Variants in KIF26B observed in about 807,000 individuals in gnomAD.
KIF26B encodes the protein kinesin family member 26B.
In KIF26B, 63 loss-of-function variants were observed where a neutral mutation model predicts 151.2. That is an observed-to-expected ratio of 0.42 (90% CI 0.34 to 0.51). The LOEUF is 0.51. Among genes scored for constraint, KIF26B ranks in the 20% least tolerant of loss-of-function variants. The pLI is 0.07. For missense variants in KIF26B, 2,813 were observed against 2,913.6 expected (o/e 0.97, Z 0.79); for synonymous variants, 1,357 against 1,262.1 (o/e 1.08, Z -1.59).
In KIF26B at chr1:245,638,605, T is replaced by G. The variant is rs369371175; in HGVS notation, c.2099-7516T>G. ...AGGTTTTCTATTTTAACCTATTCAG[T>G]ATGACATAAGCTGTGAGTGTGTAAT... On this transcript the variant is annotated intron_variant, in intron 9 of 14. Coordinates refer to ENST00000407071, the MANE Select transcript of KIF26B (RefSeq NM_018012.4). Among the ~76,000 whole-genome samples the G allele has an allele frequency of 4.6e-5, 7 of 151,918 alleles. No individual in the cohort carries two copies. In the East Asian group the frequency reaches 7.7e-4, roughly 17 times the overall value.
intron 10 of KIF26B, among the ~76,000 whole-genome samples, chr1:245,663,387 ATCATTTT>A (rs1380052641): frequency 4.3e-5 from 1 of 23,338 alleles, no homozygotes; most frequent in Non-Finnish European, 9.9e-5. Flanking sequence ...GTCATTTGTG[ATCATTTT>A]TTTTTGTTTA....
intron 5 of KIF26B, among the ~76,000 whole-genome samples, chr1:245,595,557 G>C (rs1190532969): frequency 6.6e-6 from 1 of 152,198 alleles, no homozygotes; most frequent in East Asian, 1.9e-4. Flanking sequence ...GCTGGATTCA[G>C]TTTGCCAGTA....
intron 2 of KIF26B, among the ~76,000 whole-genome samples, chr1:245,178,109 C>G (rs144382184): frequency 1.6e-4 from 24 of 152,328 alleles, no homozygotes; most frequent in African/African-American, 5.3e-4. Context: ...GAGGTCACAT[C>G]TGACTGTCAC....
intron 9 of KIF26B, among the ~76,000 whole-genome samples, chr1:245,619,742 G>A (rs910319055): frequency 2.0e-5 from 3 of 150,970 alleles, no homozygotes; most frequent in South Asian, 2.1e-4. Context: ...GTGAAACCTC[G>A]TCTCTACTAA....
At chr1:245,474,984 CA>C (rs1477619167) in intron 4 of KIF26B, among the ~76,000 whole-genome samples, 1 of 151,410 alleles carries the variant, frequency 6.6e-6, no homozygotes, top group African/African-American at 2.4e-5. Flanking sequence ...TTTTGTAAAA[CA>C]AACAAAAAAA....
intron 10 of KIF26B, among the ~76,000 whole-genome samples, chr1:245,671,423 G>A (rs2044284731): frequency 6.6e-6 from 1 of 152,116 alleles, no homozygotes; most frequent in African/African-American, 2.4e-5. Context: ...AAGGTACCTG[G>A]CACAGGCAAA....
rs528870767 is a variant in KIF26B at position 245,166,187 on chromosome 1, G to A, written c.465+9504G>A. Among the ~76,000 whole-genome samples the A allele has an allele frequency of 1.3e-5, 2 of 152,212 alleles. No individual in the cohort carries two copies. The highest frequency in any genetic ancestry group is 2.1e-4 in the South Asian group (1 of 4,826). On this transcript the variant is annotated intron_variant, in intron 2 of 14. Transcript: ENST00000407071. The surrounding 1 kb of genome is among the most constrained non-coding windows in gnomAD (Gnocchi z 4.5). The stretch of plus-strand genomic sequence containing the variant: ...AATTGTGAGATGCTAGTCAACCATC[G>A]CTTTCTGTTATTATTCCAGTGACTT...
At chr1:245,661,660 A>C (rs2044140899) in intron 10 of KIF26B, among the ~76,000 whole-genome samples, 1 of 150,398 alleles carries the variant, frequency 6.6e-6, no homozygotes, top group South Asian at 2.1e-4. Context: ...TTATATATAG[A>C]CACACACACT....
intron 2 of KIF26B, among the ~76,000 whole-genome samples, chr1:245,279,027 C>T (rs570130837): frequency 3.5e-4 from 54 of 152,250 alleles, no homozygotes; most frequent in Non-Finnish European, 6.9e-4. Flanking sequence ...TGTCTGATAG[C>T]CAGTTCCTTA....
At chr1:245,541,932 T>G (rs1661635223) in intron 5 of KIF26B, among the ~76,000 whole-genome samples, 1 of 152,182 alleles carries the variant, frequency 6.6e-6, no homozygotes, top group African/African-American at 2.4e-5. Context: ...CTCTACCCTC[T>G]CTTCTTTTCA....
intron 2 of KIF26B, among the ~76,000 whole-genome samples, chr1:245,330,360 A>G (rs57843745): frequency 0.39 from 28,768 of 74,578 alleles, 8,086 homozygotes; most frequent in African/African-American, 0.86. Flanking sequence ...GCAGAAGGCC[A>G]TGGACAGGCA....
chr1:245,660,968 C>G (rs1288434831), intron 10 of KIF26B, among the ~76,000 whole-genome samples: 2 of 150,202 alleles, frequency 1.3e-5, no homozygotes, highest in East Asian at 4.0e-4. Context: ...CGTGTGCCAC[C>G]ATCCCTGGCT....
intron 2 of KIF26B, among the ~76,000 whole-genome samples, chr1:245,253,023 T>C (rs552617939): frequency 6.6e-6 from 1 of 150,900 alleles, no homozygotes; most frequent in African/African-American, 2.4e-5. Flanking sequence ...TTTTTTTTTT[T>C]TTTTGAGACG....
intron 4 of KIF26B, among the ~76,000 whole-genome samples, chr1:245,523,913 T>C (rs768974286): frequency 1.3e-5 from 2 of 152,122 alleles, no homozygotes; most frequent in Non-Finnish European, 2.9e-5. Flanking sequence ...TTGATAAAAG[T>C]GTGAGAAAAA....
chr1:245,239,895 G>T lies in KIF26B; in HGVS notation c.465+83212G>T, dbSNP rs1438790213. Among the ~76,000 whole-genome samples, 3 of 152,106 alleles carry T rather than the reference G, an allele frequency of 2.0e-5. No homozygotes were observed. The highest frequency in any genetic ancestry group is 4.4e-5 in the Non-Finnish European group (3 of 68,026). On this transcript the variant is annotated intron_variant, in intron 2 of 14. Coordinates refer to ENST00000407071, the MANE Select transcript of KIF26B (RefSeq NM_018012.4). The surrounding 1 kb of genome is among the most constrained non-coding windows in gnomAD (Gnocchi z 4.3). ...TTACTATATAAAGAGTCACTTTCCG[G>T]CCGGGTGTGGTCACTCACGCCTGTA...
chr1:245,155,404 C>G lies in KIF26B; in HGVS notation c.-21C>G, dbSNP rs1271813145. On this transcript the variant is annotated 5_prime_UTR_variant, in exon 1 of 15. Coordinates refer to ENST00000407071, the MANE Select transcript of KIF26B (RefSeq NM_018012.4). ...GTAGCGTCGGTGGAACCTTTAGATA[C>G]TCTCCTCTGGAAAAGCCACCATGAA... The G allele has an allele frequency of 6.2e-7, 1 of 1,600,244 alleles. No individual in the cohort carries two copies. The highest frequency in any genetic ancestry group is 8.5e-7 in the Non-Finnish European group (1 of 1,171,604).
chr1:245,501,335 G>T (rs1011658735), intron 4 of KIF26B, among the ~76,000 whole-genome samples: 2 of 152,202 alleles, frequency 1.3e-5, no homozygotes, highest in African/African-American at 4.8e-5. Context: ...CGTAATGAGG[G>T]TTAAATAAGT....
chr1:245,679,452 T>TGC (rs2044400438), intron 10 of KIF26B, among the ~76,000 whole-genome samples: 1 of 88,046 alleles, frequency 1.1e-5, no homozygotes, highest in Non-Finnish European at 2.9e-5. Context: ...GTTTTTTTTG[T>TGC]GTGTGTTTTT....
At chr1:245,398,490 A>G (rs1189765142) in intron 3 of KIF26B, among the ~76,000 whole-genome samples, 1 of 152,066 alleles carries the variant, frequency 6.6e-6, no homozygotes, top group African/African-American at 2.4e-5. Context: ...GGTGACAGAC[A>G]CCTGGGATGA....
Sources: gnomAD v4.1 joint callset for allele counts (sites outside exome capture counted in the v4.1 genomes callset) on GRCh38, gnomAD v4.1.1 for gene constraint, Gnocchi (gnomAD v3.1) non-coding constraint, MANE v1.5 for transcripts, NCBI Gene and HGNC (gene_info 2026-07-23, HGNC 2026-07-21) for gene names.